LRRC69: variants seen among roughly 807,000 people sequenced by gnomAD.
The protein encoded by LRRC69 is leucine-rich repeat-containing protein 69.
In LRRC69, 42 loss-of-function variants were observed where a neutral mutation model predicts 37.8. The observed-to-expected ratio is 1.11, with a 90% confidence interval of 0.87 to 1.44. The LOEUF is 1.44. LRRC69 is among the 40% of genes most tolerant of loss of function. The pLI, the probability that LRRC69 is intolerant of heterozygous loss-of-function variation, is 0.00. For synonymous variants in LRRC69, 141 were observed against 143.1 expected (o/e 0.99, Z 0.11); for missense variants, 357 against 401.9 (o/e 0.89, Z 0.96).
chr8:91,150,161 C>G (rs1337442876), intron 5 of LRRC69, among the ~76,000 whole-genome samples: 1 of 151,952 alleles, frequency 6.6e-6, no homozygotes. Context: ...CTGTCTTGTG[C>G]CAATTTTCAA....
At chr8:91,131,994 A>C (rs1289501249) in intron 3 of LRRC69, among the ~76,000 whole-genome samples, 5 of 151,720 alleles carry the variant, frequency 3.3e-5, no homozygotes, top group Non-Finnish European at 7.4e-5. Context: ...TTTTCCTATC[A>C]ATCCCAGGTA....
intron 5 of LRRC69, among the ~76,000 whole-genome samples, chr8:91,168,767 G>A (rs1347148418): frequency 1.3e-5 from 2 of 151,598 alleles, no homozygotes; most frequent in Admixed American, 1.3e-4. Flanking sequence ...AGCAAGCCAG[G>A]CCATAAAAAT....
chr8:91,135,240 G>A (rs1311155156), intron 4 of LRRC69, among the ~76,000 whole-genome samples: 1 of 151,974 alleles, frequency 6.6e-6, no homozygotes, highest in Non-Finnish European at 1.5e-5. Context: ...TAGGGAATGG[G>A]GATTGCAGAC....
intron 5 of LRRC69, among the ~76,000 whole-genome samples, chr8:91,152,152 C>G (rs1586249469): frequency 6.6e-6 from 1 of 151,738 alleles, no homozygotes; most frequent in South Asian, 2.1e-4. Flanking sequence ...TCCCATTTGT[C>G]TATTTTTGCT....
At chr8:91,107,008 C>T (rs1813326839) in intron 1 of LRRC69, among the ~76,000 whole-genome samples, 1 of 151,640 alleles carries the variant, frequency 6.6e-6, no homozygotes, top group Non-Finnish European at 1.5e-5. Context: ...CACTTTGTCA[C>T]CCAGGCTGGT....
chr8:91,218,995 G>T, exon 8 of LRRC69: 1 of 1,536,480 alleles, frequency 6.5e-7, no homozygotes. Context: ...AATTGCTCAG[G>T]TGTAGAACAG....
At chr8:91,159,316 C>A (rs1020871114) in intron 5 of LRRC69, among the ~76,000 whole-genome samples, 3 of 151,220 alleles carry the variant, frequency 2.0e-5, no homozygotes, top group Non-Finnish European at 3.0e-5. Context: ...AGTTGAGATA[C>A]AATTCTATAG....
intron 5 of LRRC69, among the ~76,000 whole-genome samples, chr8:91,164,065 T>C (rs1010892362): frequency 2.0e-5 from 3 of 151,454 alleles, no homozygotes; most frequent in African/African-American, 7.3e-5. Flanking sequence ...AGGCAATCAA[T>C]TTTTTCATTA....
intron 7 of LRRC69, among the ~76,000 whole-genome samples, chr8:91,202,558 GA>G (rs1415608297): frequency 6.6e-6 from 1 of 152,188 alleles, no homozygotes; most frequent in East Asian, 1.9e-4. Flanking sequence ...TAGAATTGTG[GA>G]AGAGTGTTTC....
intron 7 of LRRC69, among the ~76,000 whole-genome samples, chr8:91,218,059 G>A (rs1810086589): frequency 6.6e-6 from 1 of 151,858 alleles, no homozygotes; most frequent in South Asian, 2.1e-4. Flanking sequence ...GGATCTCAGA[G>A]TTCTTTTGTG....
chr8:91,140,605 G>A (rs1226184849), intron 5 of LRRC69, among the ~76,000 whole-genome samples: 1 of 148,164 alleles, frequency 6.7e-6, no homozygotes, highest in Non-Finnish European at 1.5e-5. Flanking sequence ...TATATATTAA[G>A]CACTTTCCTT....
chr8:91,191,934 C>A (rs773837486), intron 6 of LRRC69, among the ~76,000 whole-genome samples: 1 of 151,606 alleles, frequency 6.6e-6, no homozygotes, highest in Non-Finnish European at 1.5e-5. Flanking sequence ...CATGCTGGTG[C>A]GCTGCACCCA....
chr8:91,219,182 A>G (rs1810114562), downstream of LRRC69: 1 of 387,596 alleles, frequency 2.6e-6, no homozygotes, highest in Non-Finnish European at 4.6e-6. Flanking sequence ...CAGCTTGCTT[A>G]GATTCTAGGT....
At chr8:91,173,839 C>T (rs550234217) in intron 5 of LRRC69, among the ~76,000 whole-genome samples, 40 of 152,006 alleles carry the variant, frequency 2.6e-4, no homozygotes, top group African/African-American at 9.2e-4. Flanking sequence ...AACTAATGAT[C>T]TCCCGAAGGC....
chr8:91,133,385 G>C, intron 4 of LRRC69, 80 bp downstream of exon 4: 1 of 1,072,686 alleles, frequency 9.3e-7, no homozygotes, highest in Admixed American at 3.5e-5. Flanking sequence ...GATTAGATTT[G>C]GGTATCTGAG....
intron 5 of LRRC69, among the ~76,000 whole-genome samples, chr8:91,166,492 G>GA (rs66705016): frequency 0.029 from 2,743 of 94,880 alleles, 46 homozygotes; most frequent in African/African-American, 0.058. Flanking sequence ...AAAATAAACT[G>GA]AAAAAAAAAA....
At chr8:91,210,019 C>T (rs1054493441) in intron 7 of LRRC69, among the ~76,000 whole-genome samples, 4 of 152,082 alleles carry the variant, frequency 2.6e-5, no homozygotes, top group Non-Finnish European at 5.9e-5. Flanking sequence ...TAAAATGTAA[C>T]GTTAGAAGCA....
At chr8:91,147,829 C>G (rs76308432) in intron 5 of LRRC69, among the ~76,000 whole-genome samples, 1 of 151,632 alleles carries the variant, frequency 6.6e-6, no homozygotes, top group East Asian at 1.9e-4. Flanking sequence ...TAAAACCTGC[C>G]TGCATTAGCT....
intron 5 of LRRC69, among the ~76,000 whole-genome samples, chr8:91,151,919 A>G (rs772232211): frequency 6.0e-5 from 9 of 150,246 alleles, no homozygotes; most frequent in Non-Finnish European, 8.9e-5. Context: ...TTTTTTTCAT[A>G]TGTTTCTTGG....
Sources: allele counts gnomAD v4.1 joint callset (sites outside exome capture counted in the v4.1 genomes callset), GRCh38; gene constraint gnomAD v4.1.1; transcripts MANE v1.5; gene names NCBI Gene and HGNC (gene_info 2026-07-23, HGNC 2026-07-21).